Variants in ZNF100 observed in about 807,000 individuals in gnomAD.
ZNF100 encodes the protein zinc finger protein 100 (Y1).
A neutral mutation model predicts 15.8 loss-of-function variants in ZNF100; 12 were observed. The observed-to-expected ratio is 0.76, with a 90% CI of 0.49 to 1.23. ZNF100 has a LOEUF of 1.23. Among genes scored for constraint, ZNF100 ranks in the 50% most tolerant of loss-of-function variants. The pLI is 0.00. For missense variants in ZNF100, 670 were observed against 635.6 expected (o/e 1.05, Z -0.58); for synonymous variants, 226 against 214.8 (o/e 1.05, Z -0.45).
In ZNF100 at chr19:21,747,053, T is replaced by C. The variant is rs527259194; in HGVS notation, c.97-1986A>G. Among the ~76,000 whole-genome samples, 132 of 152,262 alleles carry C rather than the reference T, an allele frequency of 8.7e-4. 1 individual carries two copies. The South Asian group carries it at 0.023, about 26-fold the overall frequency. Reference sequence around the variant, plus strand: ...GATTCAGGAAAAATGTGCTGCTCCATGGATGTAAAAATGTAAGTTTCTCCT... The same window carrying C: ...GATTCAGGAAAAATGTGCTGCTCCACGGATGTAAAAATGTAAGTTTCTCCT... On this transcript the variant is annotated intron_variant, in intron 2 of 4. Coordinates refer to ENST00000358296, the MANE Select transcript of ZNF100 (RefSeq NM_173531.4).
At chr19:21,745,152 A>G in intron 2 of ZNF100, 85 bp from the exon 3 acceptor site, 1 of 1,527,786 alleles carries the variant, frequency 6.5e-7, no homozygotes, top group Non-Finnish European at 8.8e-7. Flanking sequence ...ATGAAATGAC[A>G]GAGCAAAGAG....
chr19:21,738,894 G>A (rs935915099), intron 4 of ZNF100, among the ~76,000 whole-genome samples: 2 of 151,970 alleles, frequency 1.3e-5, no homozygotes, highest in Non-Finnish European at 2.9e-5. Context: ...GCAGTGAGCC[G>A]TGATGGTACC....
At chr19:21,758,673 A>G (rs2036431100) in intron 2 of ZNF100, among the ~76,000 whole-genome samples, 3 of 152,208 alleles carry the variant, frequency 2.0e-5, no homozygotes, top group African/African-American at 7.2e-5. Context: ...ACTAGGATCC[A>G]CAACGCTGTA....
Position 21,727,733 on chromosome 19 carries a change from GTTTGAA to G in ZNF100, c.573_578del (p.Ser192_Asn193del), listed in dbSNP as rs1286448652. 6.2e-7 allele frequency: 1 copy of G among 1,613,716 alleles called. No individual in the cohort carries two copies. The highest frequency in any genetic ancestry group is 8.5e-7 in the Non-Finnish European group (1 of 1,179,870). ...TTCTAGTATGTCTTATCTTATGTCT[GTTTGAA>G]TTTGAAAATGTATGAAAGACTTTTG... On this transcript the variant is annotated inframe_deletion, in exon 5 of 5. Coordinates refer to ENST00000358296, the MANE Select transcript of ZNF100 (RefSeq NM_173531.4).
intron 4 of ZNF100, among the ~76,000 whole-genome samples, chr19:21,737,614 A>G (rs2145703266): frequency 6.6e-6 from 1 of 152,204 alleles, no homozygotes; most frequent in Non-Finnish European, 1.5e-5. Flanking sequence ...ATGCACATAA[A>G]CTGGAAAATC....
Position 21,727,842 on chromosome 19 carries a change from A to C in ZNF100, c.470T>G (p.Val157Gly). The C allele has an allele frequency of 6.2e-7, 1 of 1,612,876 alleles. No homozygotes were observed. The highest frequency in any genetic ancestry group is 8.5e-7 in the Non-Finnish European group (1 of 1,179,504). Residue 157 changes from valine to glycine, a missense_variant, in exon 5 of 5, where the codon GTG becomes GGG. Coordinates refer to ENST00000358296, the MANE Select transcript of ZNF100 (RefSeq NM_173531.4). ...KGCKSVDECK[V>G]HKEHDNKLNQ... ...TAATTTGTTATCATGTTCTTTGTGC[A>C]CTTTACACTCATCCACACTTTTACA...
intron 4 of ZNF100, among the ~76,000 whole-genome samples, chr19:21,730,099 T>C (rs935466319): frequency 3.3e-5 from 5 of 151,950 alleles, no homozygotes; most frequent in Non-Finnish European, 5.9e-5. Flanking sequence ...AACATTAGTA[T>C]GTCTTTCTGT....
chr19:21,735,360 G>C (rs1416192535), intron 4 of ZNF100, among the ~76,000 whole-genome samples: 1 of 152,074 alleles, frequency 6.6e-6, no homozygotes, highest in African/African-American at 2.4e-5. Context: ...AGGGCGTGGT[G>C]GTGGGTGCCT....
chr19:21,742,475 C>G (rs1371343312), intron 4 of ZNF100, among the ~76,000 whole-genome samples: 1 of 144,182 alleles, frequency 6.9e-6, no homozygotes, highest in East Asian at 2.0e-4. Context: ...GCCTGGGCAA[C>G]AACAGTGAAA....
intron 3 of ZNF100, among the ~76,000 whole-genome samples, chr19:21,744,467 G>A (rs899907909): frequency 4.6e-5 from 7 of 152,134 alleles, no homozygotes; most frequent in African/African-American, 1.7e-4. Flanking sequence ...CCACCTCCTG[G>A]GTTCAAGCAA....
At chr19:21,728,061 T>C (rs577520494) in intron 4 of ZNF100, 72 bp from the exon 5 acceptor site, 3 of 1,306,996 alleles carry the variant, frequency 2.3e-6, no homozygotes, top group Middle Eastern at 2.1e-4. Context: ...ACCTCTAATA[T>C]ACAAACTACA....
At chr19:21,766,417 A>G in intron 1 of ZNF100, among the ~76,000 whole-genome samples, 1 of 2,620 alleles carries the variant, frequency 3.8e-4, no homozygotes, top group Admixed American at 0.011. Flanking sequence ...GTTCCTACTT[A>G]AAAAAAAAAA....
Position 21,767,491 on chromosome 19 carries a change from AG to A in ZNF100, c.-63del. Reference sequence around the variant, plus strand: ...GGATCTCCCAATATCTGCAGGTCAGAGGGCCACACAGGCTAGGCCCCTAGGA... The same window carrying A: ...GGATCTCCCAATATCTGCAGGTCAGAGGCCACACAGGCTAGGCCCCTAGGA... On this transcript the variant is annotated 5_prime_UTR_variant, in exon 1 of 5. Coordinates refer to ENST00000358296, the MANE Select transcript of ZNF100 (RefSeq NM_173531.4). 6.2e-7 allele frequency: 1 copy of A among 1,611,694 alleles called. No individual in the cohort carries two copies. The highest frequency in any genetic ancestry group is 1.3e-5 in the African/African-American group (1 of 74,976).
chr19:21,761,127 T>C (rs2036477584), intron 2 of ZNF100, among the ~76,000 whole-genome samples: 1 of 152,274 alleles, frequency 6.6e-6, no homozygotes, highest in African/African-American at 2.4e-5. Flanking sequence ...AGGAATTAAC[T>C]GAGTGGACTG....
intron 2 of ZNF100, 67 bp from the exon 3 acceptor site, chr19:21,745,134 G>C: frequency 6.5e-7 from 1 of 1,536,840 alleles, no homozygotes; most frequent in Non-Finnish European, 8.7e-7. Flanking sequence ...TTTATTATTT[G>C]AATTAAAATG....
At position 21,744,975 on chromosome 19, in the gene ZNF100, C is replaced by T. The variant is rs865909283; in HGVS notation, c.189G>A (p.Val63=). Residue 63 remains valine, a synonymous_variant, in exon 3 of 5, where the codon GTG becomes GTA. Transcript: ENST00000358296. The part of the protein sequence containing the change: ...DSAQQGLYRK[V]MLENYRNLVF... ...CCAGGTTTCTGTAGTTCTCTAACAT[C>T]ACTTTCCTATACAAACCCTGCTGAG... is the stretch of plus-strand genomic sequence containing the variant. 9 of 1,610,844 alleles carry T rather than the reference C, an allele frequency of 5.6e-6. No individual in the cohort carries two copies. The highest frequency in any genetic ancestry group is 1.7e-4 in the Middle Eastern group (1 of 6,040).
At chr19:21,744,660 A>G (rs201842427) in intron 3 of ZNF100, among the ~76,000 whole-genome samples, 1 of 152,096 alleles carries the variant, frequency 6.6e-6, no homozygotes. Context: ...GTGAGCCACC[A>G]TGCCCGGCCT....
chr19:21,732,141 A>T (rs570250468), intron 4 of ZNF100, among the ~76,000 whole-genome samples: 1 of 152,062 alleles, frequency 6.6e-6, no homozygotes, highest in African/African-American at 2.4e-5. Context: ...ACTACACCCC[A>T]GTCTTGGCGA....
rs768738116 is a variant in ZNF100, at chr19:21,744,956, T to G, written c.208A>C (p.Asn70His). 2.0e-5 allele frequency: 32 copies of G among 1,609,318 alleles called. No individual in the cohort carries two copies. The African/African-American group carries it at 3.8e-4, about 19-fold the overall frequency. Residue 70 changes from asparagine to histidine, a missense_variant, in exon 3 of 5, where the codon AAC becomes CAC. Physicochemically the swap from Asn to His is moderately conservative, Grantham distance 68. Coordinates refer to ENST00000358296, the MANE Select transcript of ZNF100 (RefSeq NM_173531.4). ...YRKVMLENYR[N>H]LVFLAGIALT... ...TTATTCTCACCCAAGAAGACCAGGT[T>G]TCTGTAGTTCTCTAACATCACTTTC...
Sources: allele counts gnomAD v4.1 joint callset (sites outside exome capture counted in the v4.1 genomes callset), GRCh38; gene constraint gnomAD v4.1.1; transcripts MANE v1.5; gene names NCBI Gene and HGNC (gene_info 2026-07-23, HGNC 2026-07-21).